The following TRAPPC9 variants were observed in gnomAD, a reference collection of about 807,000 sequenced individuals.
TRAPPC9 encodes trafficking protein particle complex subunit 9, also known as IKK2 binding protein.
In TRAPPC9, 83 loss-of-function variants were observed where a neutral mutation model predicts 124.0. That is an observed-to-expected ratio of 0.67 (90% confidence interval 0.56 to 0.80). The LOEUF is 0.80. TRAPPC9 is among the 30% of genes least tolerant of loss of function. TRAPPC9 has a pLI of 0.00. For synonymous variants in TRAPPC9, 638 were observed against 617.5 expected (o/e 1.03, Z -0.49); for missense variants, 1,302 against 1,508.3 (o/e 0.86, Z 2.27).
intron 20 of TRAPPC9, among the ~76,000 whole-genome samples, chr8:139,895,551 C>T (rs1249968344): frequency 1.3e-5 from 2 of 152,172 alleles, no homozygotes; most frequent in Admixed American, 1.3e-4. Flanking sequence ...TGTGCACCTA[C>T]TTAAAGTAAT....
At chr8:140,398,551 A>C (rs931478917) in intron 6 of TRAPPC9, among the ~76,000 whole-genome samples, 5 of 152,270 alleles carry the variant, frequency 3.3e-5, no homozygotes, top group Non-Finnish European at 7.3e-5. Flanking sequence ...GTTACGTTTT[A>C]GCAAAGAAAC....
intron 17 of TRAPPC9, among the ~76,000 whole-genome samples, chr8:140,148,133 G>A (rs530332475): frequency 6.6e-6 from 1 of 152,356 alleles, no homozygotes; most frequent in African/African-American, 2.4e-5. Context: ...AGTAGGACAT[G>A]AGGCCCAGGG....
chr8:140,235,885 G>T (rs777473090), intron 16 of TRAPPC9, among the ~76,000 whole-genome samples: 86 of 152,038 alleles, frequency 5.7e-4, no homozygotes, highest in Middle Eastern at 3.4e-3. Flanking sequence ...GTATTTTCAC[G>T]CAATACCATC....
intron 21 of TRAPPC9, among the ~76,000 whole-genome samples, chr8:139,740,430 A>G (rs1381361258): frequency 6.6e-6 from 1 of 152,234 alleles, no homozygotes; most frequent in Non-Finnish European, 1.5e-5. Flanking sequence ...CCAGGGGGCC[A>G]CCGTGGGGCT....
intron 21 of TRAPPC9, among the ~76,000 whole-genome samples, chr8:139,821,456 A>G (rs1476848899): frequency 1.3e-5 from 2 of 152,218 alleles, no homozygotes; most frequent in African/African-American, 4.8e-5. Flanking sequence ...GAGGAATCTA[A>G]GAATAGCAGG....
rs372418296 is a variant in TRAPPC9 at position 139,979,471 on chromosome 8, G to C, written c.2810+9255C>G. Among the ~76,000 whole-genome samples the C allele has an allele frequency of 4.3e-4, 65 of 152,332 alleles. 1 individual carries two copies. In the South Asian group the frequency reaches 0.012, roughly 29 times the overall value. On this transcript the variant is annotated intron_variant, in intron 19 of 22. Coordinates refer to ENST00000438773, the MANE Select transcript of TRAPPC9 (RefSeq NM_001160372.4). ...GCAGACAGCTGCAGCCTGGCGTCAT[G>C]GCTCCTGCACTCGGGTGCACGGTCG...
chr8:140,267,458 TA>T (rs2064718366), intron 15 of TRAPPC9, among the ~76,000 whole-genome samples: 1 of 152,214 alleles, frequency 6.6e-6, no homozygotes, highest in Non-Finnish European at 1.5e-5. Context: ...CAATACTACG[TA>T]AGCACTCACT....
chr8:139,880,267 GC>G (rs1223260967), intron 21 of TRAPPC9, among the ~76,000 whole-genome samples: 1 of 152,162 alleles, frequency 6.6e-6, no homozygotes, highest in Admixed American at 6.5e-5. Flanking sequence ...TGGCTCCCAA[GC>G]AAAGCAAAGA....
intron 19 of TRAPPC9, among the ~76,000 whole-genome samples, chr8:139,980,710 C>A (rs771593862): frequency 6.6e-6 from 1 of 152,220 alleles, no homozygotes; most frequent in East Asian, 1.9e-4. Context: ...CAGCTCGGGG[C>A]GGAGTTGAGG....
At chr8:140,458,234 G>C (rs1240712217), upstream of TRAPPC9, 1 of 1,551,108 alleles carries the variant, frequency 6.4e-7, no homozygotes, top group Non-Finnish European at 8.7e-7. Flanking sequence ...TTCTGCACCT[G>C]GGGCGGCGCA....
intron 21 of TRAPPC9, among the ~76,000 whole-genome samples, chr8:139,817,074 A>ACACACACACACACACACACACACACC (rs1824894027): frequency 6.6e-6 from 1 of 151,916 alleles, no homozygotes; most frequent in Non-Finnish European, 1.5e-5. Context: ...ACACACACAC[A>ACACACACACACACACACACACACACC]CACACCAGCC....
At chr8:139,945,543 CAAAAAAAAAAAA>C (rs61528944) in intron 19 of TRAPPC9, among the ~76,000 whole-genome samples, 8 of 66,170 alleles carry the variant, frequency 1.2e-4, no homozygotes, top group East Asian at 5.6e-4. Context: ...GCACAATTAG[CAAAAAAAAAAAA>C]AAAAAAAAAA....
In TRAPPC9 at chr8:140,379,371, C is replaced by T. The variant is rs1032407071; in HGVS notation, c.1135-8191G>A. On this transcript the variant is annotated intron_variant, in intron 7 of 22. Coordinates refer to ENST00000438773, the MANE Select transcript of TRAPPC9 (RefSeq NM_001160372.4). ...TATTTATGTGCGACCGTGGGTGTAG[C>T]TGTGGTCTCCTGCCTGGTTTCCTGG... is the stretch of plus-strand genomic sequence containing the variant. Among the ~76,000 whole-genome samples the T allele has an allele frequency of 5.9e-5, 9 of 152,278 alleles. No individual in the cohort carries two copies. In the South Asian group the frequency reaches 6.2e-4, roughly 11 times the overall value.
intron 17 of TRAPPC9, among the ~76,000 whole-genome samples, chr8:140,167,614 G>A (rs1294508033): frequency 2.6e-5 from 4 of 152,178 alleles, no homozygotes; most frequent in African/African-American, 9.7e-5. Context: ...GGTAGTTATA[G>A]GAACATGAAG....
At chr8:139,987,137 G>A (rs1417880755) in intron 19 of TRAPPC9, among the ~76,000 whole-genome samples, 1 of 152,130 alleles carries the variant, frequency 6.6e-6, no homozygotes, top group African/African-American at 2.4e-5. Flanking sequence ...CATTCCGTTT[G>A]TAAGAAAACA....
At chr8:140,416,120 G>A (rs1249262560) in intron 5 of TRAPPC9, among the ~76,000 whole-genome samples, 1 of 152,110 alleles carries the variant, frequency 6.6e-6, no homozygotes, top group Non-Finnish European at 1.5e-5. Flanking sequence ...AAAAACCAAA[G>A]TTCATTCTTA....
chr8:140,159,862 G>A lies in TRAPPC9; in HGVS notation c.2556+61597C>T, dbSNP rs138403347. ...CGACCACGTTCCTCTTCCTCACGCC[G>A]CCAGGGAAAATAGTCTGCGGCCCCT... On this transcript the variant is annotated intron_variant, in intron 17 of 22. Coordinates refer to ENST00000438773, the MANE Select transcript of TRAPPC9 (RefSeq NM_001160372.4). 3.0e-3 allele frequency among the ~76,000 whole-genome samples: 461 copies of A among 152,240 alleles called. 4 individuals carry two copies. Among genetic ancestry groups the A allele is most frequent in the African/African-American group, 0.011 (436 of 41,514 alleles).
At chr8:140,454,757 G>T (rs188906156) in intron 1 of TRAPPC9, among the ~76,000 whole-genome samples, 93 of 151,144 alleles carry the variant, frequency 6.2e-4, no homozygotes, top group Admixed American at 2.3e-3. Flanking sequence ...TGGCCAACAT[G>T]GCAAAACCCT....
intron 17 of TRAPPC9, among the ~76,000 whole-genome samples, chr8:140,148,350 T>C (rs2061492695): frequency 6.6e-6 from 1 of 152,258 alleles, no homozygotes; most frequent in Non-Finnish European, 1.5e-5. Flanking sequence ...ACCCACATTC[T>C]AGACTCGGCT....
Sources: gnomAD v4.1 joint callset for allele counts (sites outside exome capture counted in the v4.1 genomes callset) on GRCh38, gnomAD v4.1.1 for gene constraint, MANE v1.5 for transcripts, NCBI Gene and HGNC (gene_info 2026-07-23, HGNC 2026-07-21) for gene names.